The following RERE variants were observed in gnomAD, a reference collection of about 807,000 sequenced individuals.
RERE encodes arginine-glutamic acid dipeptide repeats protein.
In RERE, 40 loss-of-function variants were observed where a neutral mutation model predicts 146.1. The observed-to-expected ratio is 0.27, with a 90% CI of 0.21 to 0.36. The LOEUF (loss-of-function observed/expected upper bound fraction) is 0.36, where lower values mean the gene tolerates loss of function less well. Among genes scored for constraint, RERE ranks in the 10% least tolerant of loss-of-function variants. The pLI is 1.00. For missense variants in RERE, 1,933 were observed against 2,138.7 expected (o/e 0.90, Z 1.90); for synonymous variants, 1,003 against 866.0 (o/e 1.16, Z -2.78).
Position 8,354,115 on chromosome 1 carries a change from G to A in RERE, c.*972C>T, listed in dbSNP as rs1641198898. 1 of 152,500 alleles carries A rather than the reference G, an allele frequency of 6.6e-6. No homozygotes were observed. The highest frequency in any genetic ancestry group is 2.1e-4 in the South Asian group (1 of 4,834). 9.4% of individuals were successfully genotyped at this position (152,500 alleles called of 1,614,324 possible). On this transcript the variant is annotated 3_prime_UTR_variant, in exon 23 of 23. Transcript: ENST00000400908. ...GAAATCTAGAAGGAAATCTACAATG[G>A]ACACAGGCCCATGCGCTTTCCATCC...
At chr1:8,455,294 T>C (rs1042893699) in intron 11 of RERE, among the ~76,000 whole-genome samples, 3 of 151,998 alleles carry the variant, frequency 2.0e-5, no homozygotes, top group Non-Finnish European at 1.5e-5. Context: ...CAGGCTGGAG[T>C]GCAGTGGCGA....
intron 3 of RERE, among the ~76,000 whole-genome samples, chr1:8,615,785 G>A (rs1169198299): frequency 6.6e-6 from 1 of 150,410 alleles, no homozygotes; most frequent in African/African-American, 2.4e-5. Flanking sequence ...CCTACACATA[G>A]ACACACACAC....
chr1:8,693,690 C>CA (rs1557485517), intron 1 of RERE, among the ~76,000 whole-genome samples: 3 of 152,074 alleles, frequency 2.0e-5, no homozygotes, highest in Non-Finnish European at 2.9e-5. Flanking sequence ...TGAAACATTT[C>CA]AAAACCCATG....
chr1:8,582,946 C>G (rs760235602), intron 4 of RERE, among the ~76,000 whole-genome samples: 34 of 152,104 alleles, frequency 2.2e-4, no homozygotes, highest in Non-Finnish European at 3.8e-4. Flanking sequence ...CATGCTTGTA[C>G]CTCTGACACA....
chr1:8,569,252 A>G (rs961914186), intron 4 of RERE, among the ~76,000 whole-genome samples: 1 of 142,066 alleles, frequency 7.0e-6, no homozygotes, highest in Non-Finnish European at 1.5e-5. Flanking sequence ...AAATTTCTTT[A>G]AAAGCAAAAA....
intron 2 of RERE, among the ~76,000 whole-genome samples, chr1:8,647,713 T>A (rs895427461): frequency 6.6e-6 from 1 of 151,554 alleles, no homozygotes; most frequent in East Asian, 2.0e-4. Flanking sequence ...CTTGGTTTTG[T>A]TTTATTTTGG....
At chr1:8,461,841 TTTATTA>T (rs541386263) in intron 11 of RERE, among the ~76,000 whole-genome samples, 18 of 151,970 alleles carry the variant, frequency 1.2e-4, no homozygotes, top group African/African-American at 3.6e-4. Context: ...CAAAAGTACT[TTTATTA>T]TTATTATTTT....
intron 6 of RERE, among the ~76,000 whole-genome samples, chr1:8,551,118 T>C (rs1396547565): frequency 6.6e-6 from 1 of 152,106 alleles, no homozygotes; most frequent in African/African-American, 2.4e-5. Context: ...TGACCTGCAG[T>C]AGGATATTTC....
At chr1:8,410,716 C>G (rs1480866863) in intron 12 of RERE, among the ~76,000 whole-genome samples, 1 of 152,182 alleles carries the variant, frequency 6.6e-6, no homozygotes, top group Non-Finnish European at 1.5e-5. Context: ...CTTCAAAGAG[C>G]TTGAAGCCCC....
At chr1:8,434,322 C>T (rs923337402) in intron 11 of RERE, among the ~76,000 whole-genome samples, 4 of 152,078 alleles carry the variant, frequency 2.6e-5, no homozygotes, top group South Asian at 2.1e-4. Flanking sequence ...GCCACACCTG[C>T]GCTATCGGTG....
chr1:8,497,381 AG>A, intron 9 of RERE, 23 bp downstream of exon 9: 1 of 1,613,768 alleles, frequency 6.2e-7, no homozygotes, highest in Non-Finnish European at 8.5e-7. Flanking sequence ...TTCAGAAAGC[AG>A]GATGGGGGTA....
chr1:8,421,393 G>T (rs947125877), intron 12 of RERE, among the ~76,000 whole-genome samples: 3 of 152,136 alleles, frequency 2.0e-5, no homozygotes, highest in Non-Finnish European at 2.9e-5. Flanking sequence ...TCTGGGAAGG[G>T]TAAGAAATAA....
In RERE at chr1:8,632,255, T is replaced by G. The variant is rs559789488; in HGVS notation, c.326-7875A>C. ...CTGGGTGAAAATTCTTCTCTCCCCGTATGGCTGACAACAAACAAATTGCTC... is the reference window on the plus strand; with the variant it reads ...CTGGGTGAAAATTCTTCTCTCCCCGGATGGCTGACAACAAACAAATTGCTC... On this transcript the variant is annotated intron_variant, in intron 2 of 22. Transcript: ENST00000400908. 1.6e-4 allele frequency among the ~76,000 whole-genome samples: 24 copies of G among 152,346 alleles called. No individual in the cohort carries two copies. In the Middle Eastern group the frequency reaches 0.01, roughly 65 times the overall value.
At chr1:8,706,281 C>T (rs1639560405) in intron 1 of RERE, among the ~76,000 whole-genome samples, 1 of 151,706 alleles carries the variant, frequency 6.6e-6, no homozygotes, top group Non-Finnish European at 1.5e-5. Context: ...GACTCAGTCT[C>T]TAAAAAAAAA....
chr1:8,734,138 A>G (rs1640148797), intron 1 of RERE, among the ~76,000 whole-genome samples: 1 of 152,162 alleles, frequency 6.6e-6, no homozygotes. Context: ...TAAAATGCAT[A>G]TAATATAACT....
rs1458272353 is a variant in RERE at position 8,364,713 on chromosome 1, GC to G, written c.1540+32del. ...AGAACATGGAAGTGCTTGTGCCCCCGCCCCGCCCCAGGAGCGTGACGAGGCC... is the reference window on the plus strand; with the variant it reads ...AGAACATGGAAGTGCTTGTGCCCCCGCCCGCCCCAGGAGCGTGACGAGGCC... On this transcript the variant is annotated intron_variant, in intron 14 of 22. Coordinates refer to ENST00000400908, the MANE Select transcript of RERE (RefSeq NM_001042681.2). This position sits in a 1 kb window ranked among gnomAD's most constrained non-coding sequence, Gnocchi z 5.1. 6.5e-7 allele frequency: 1 copy of G among 1,534,718 alleles called. No individual in the cohort carries two copies. The highest frequency in any genetic ancestry group is 1.1e-5 in the South Asian group (1 of 89,372).
chr1:8,458,070 T>C (rs1400776775), intron 11 of RERE, among the ~76,000 whole-genome samples: 1 of 152,126 alleles, frequency 6.6e-6, no homozygotes, highest in African/African-American at 2.4e-5. Flanking sequence ...AATGTAAGAC[T>C]CCAATGTCAC....
chr1:8,789,043 G>C (rs1641310378), intron 1 of RERE, among the ~76,000 whole-genome samples: 1 of 151,822 alleles, frequency 6.6e-6, no homozygotes, highest in South Asian at 2.1e-4. Flanking sequence ...CTCAGGGTGA[G>C]AGGCAAGAGA....
intron 10 of RERE, among the ~76,000 whole-genome samples, chr1:8,493,785 T>C (rs1645008737): frequency 6.6e-6 from 1 of 152,176 alleles, no homozygotes; most frequent in Non-Finnish European, 1.5e-5. Flanking sequence ...AAGAGGTGCT[T>C]AGCCTCATAC....
Sources: allele counts gnomAD v4.1 joint callset (sites outside exome capture counted in the v4.1 genomes callset), GRCh38; gene constraint gnomAD v4.1.1; non-coding constraint Gnocchi (gnomAD v3.1); transcripts MANE v1.5; gene names NCBI Gene and HGNC (gene_info 2026-07-23, HGNC 2026-07-21).